The following CDH18 variants were observed in gnomAD, a reference collection of about 807,000 sequenced individuals.
CDH18 encodes cadherin-18.
In CDH18, 31 loss-of-function variants were observed where a neutral mutation model predicts 67.9. That is an observed-to-expected ratio of 0.46 (90% confidence interval 0.34 to 0.62). The LOEUF is 0.62. Among genes scored for constraint, CDH18 ranks in the 20% least tolerant of loss-of-function variants. The pLI, the probability that CDH18 is intolerant of heterozygous loss-of-function variation, is 0.01. For missense variants in CDH18, 890 were observed against 975.5 expected, an observed-to-expected ratio of 0.91 and a Z score of 1.17; for synonymous variants, 362 against 347.2, an observed-to-expected ratio of 1.04 and a Z score of -0.48.
chr5:20,096,460 AG>A (rs556075565), intron 2 of CDH18, among the ~76,000 whole-genome samples: 27 of 151,628 alleles, frequency 1.8e-4, no homozygotes, highest in African/African-American at 5.9e-4. Context: ...GAAATAATGA[AG>A]AAAAAAGGAA....
chr5:20,371,102 A>G (rs1742963491), intron 1 of CDH18, among the ~76,000 whole-genome samples: 1 of 151,912 alleles, frequency 6.6e-6, no homozygotes, highest in East Asian at 1.9e-4. Context: ...AAAGTGAAAG[A>G]AGTAGTGATT....
At chr5:19,888,321 C>T (rs1042159278) in intron 2 of CDH18, among the ~76,000 whole-genome samples, 1 of 152,100 alleles carries the variant, frequency 6.6e-6, no homozygotes, top group Non-Finnish European at 1.5e-5. Flanking sequence ...CACATCTTCA[C>T]AACACTTAAA....
At chr5:19,506,473 A>G (rs1231284696) in intron 10 of CDH18, among the ~76,000 whole-genome samples, 1 of 152,190 alleles carries the variant, frequency 6.6e-6, no homozygotes, top group Non-Finnish European at 1.5e-5. Context: ...CCAAAAGAAC[A>G]AAGCTGGAGG....
chr5:20,419,462 G>GTTTTTT lies in CDH18; in HGVS notation c.-580+155994_-580+155999dup, dbSNP rs202130030. Among the ~76,000 whole-genome samples the GTTTTTT allele has an allele frequency of 2.2e-3, 170 of 75,644 alleles. 26 individuals are homozygous for GTTTTTT. The highest frequency in any genetic ancestry group is 2.8e-3 in the Non-Finnish European group (107 of 38,764). The allele number at this position is 75,644 out of a possible 152,430, so 49.6% of individuals were successfully genotyped here. A position where few individuals can be genotyped will look rare whatever the true frequency, so the allele number is the denominator to read the frequency against. The stretch of plus-strand genomic sequence containing the variant: ...CCAACCACCCAGGGTATGGGACTCT[G>GTTTTTT]TTTTTTTTTTTTTTTTTTTTTTTTT... On this transcript the variant is annotated intron_variant, in intron 1 of 14. Transcript: ENST00000507958.
intron 2 of CDH18, among the ~76,000 whole-genome samples, chr5:20,086,857 T>A (rs1744997801): frequency 6.6e-6 from 1 of 152,186 alleles, no homozygotes; most frequent in Non-Finnish European, 1.5e-5. Context: ...ATAGTTTTTA[T>A]GCCTGCTAAC....
At chr5:19,753,811 G>A (rs113753654) in intron 3 of CDH18, among the ~76,000 whole-genome samples, 3,319 of 152,244 alleles carry the variant, frequency 0.022, 115 homozygotes, top group African/African-American at 0.076. Context: ...CGAAGGAATT[G>A]GGGCTGTATC....
intron 2 of CDH18, among the ~76,000 whole-genome samples, chr5:19,957,642 C>A (rs1796381571): frequency 6.6e-6 from 1 of 151,550 alleles, no homozygotes; most frequent in African/African-American, 2.4e-5. Flanking sequence ...ATCAAAACTC[C>A]AATAATCTAG....
At position 20,529,940 on chromosome 5, in the gene CDH18, G is replaced by A. The variant is rs573875245; in HGVS notation, c.-580+45522C>T. The stretch of plus-strand genomic sequence containing the variant: ...AGCATATTCAAATAGGAAGAGAGGC[G>A]GTCAAATTGTCTTTGTTTGCAGATG... On this transcript the variant is annotated intron_variant, in intron 1 of 14. Transcript: ENST00000507958. Among the ~76,000 whole-genome samples, 18 of 151,842 alleles carry A rather than the reference G, an allele frequency of 1.2e-4. No individual in the cohort carries two copies. In the East Asian group the frequency reaches 1.7e-3, roughly 15 times the overall value.
intron 2 of CDH18, among the ~76,000 whole-genome samples, chr5:20,143,284 A>G (rs1750385566): frequency 6.6e-6 from 1 of 152,186 alleles, no homozygotes; most frequent in East Asian, 1.9e-4. Context: ...TGCTCAAATA[A>G]CATATGAATT....
At chr5:20,257,467 A>T (rs912480063) in intron 1 of CDH18, among the ~76,000 whole-genome samples, 1 of 122,832 alleles carries the variant, frequency 8.1e-6, no homozygotes, top group African/African-American at 3.2e-5. Context: ...TGATCATTTT[A>T]TCTTGGCTCT....
intron 2 of CDH18, among the ~76,000 whole-genome samples, chr5:20,170,493 TTAAA>T (rs1433955545): frequency 3.3e-5 from 5 of 152,198 alleles, no homozygotes; most frequent in Non-Finnish European, 4.4e-5. Context: ...ATTCTAAGTG[TTAAA>T]TAAATTAATA....
At chr5:19,788,706 T>C (rs1191484679) in intron 3 of CDH18, among the ~76,000 whole-genome samples, 2 of 152,162 alleles carry the variant, frequency 1.3e-5, no homozygotes, top group African/African-American at 2.4e-5. Flanking sequence ...AATGAAAATA[T>C]CCAAAACATT....
At chr5:19,534,933 G>A (rs1397345598) in intron 9 of CDH18, among the ~76,000 whole-genome samples, 3 of 152,148 alleles carry the variant, frequency 2.0e-5, no homozygotes, top group Non-Finnish European at 4.4e-5. Context: ...AGGAGTCCAT[G>A]ATGTGAAAAA....
chr5:19,493,537 G>GT (rs1741811438), intron 11 of CDH18, among the ~76,000 whole-genome samples: 1 of 147,938 alleles, frequency 6.8e-6, no homozygotes, highest in African/African-American at 2.5e-5. Flanking sequence ...AGGGAATTGG[G>GT]GTGTGTGTGT....
Position 20,053,828 on chromosome 5 carries a change from T to C in CDH18, c.-517-61814A>G, listed in dbSNP as rs539887499. Among the ~76,000 whole-genome samples, 14 of 152,252 alleles carry C rather than the reference T, an allele frequency of 9.2e-5. No homozygotes were observed. The South Asian group carries it at 2.9e-3, about 32-fold the overall frequency. ...GATGCTTTTAAAGTAAGTCAAGCCATGCCAGTCTTCTGCTCAACATGGGTA... is the reference window on the plus strand; with the variant it reads ...GATGCTTTTAAAGTAAGTCAAGCCACGCCAGTCTTCTGCTCAACATGGGTA... On this transcript the variant is annotated intron_variant, in intron 2 of 14. Coordinates refer to the CDH18 transcript ENST00000507958.
In CDH18 at chr5:19,596,954, T is replaced by C. The variant is rs1213747382; in HGVS notation, c.812-5710A>G. Among the ~76,000 whole-genome samples the C allele has an allele frequency of 2.0e-5, 3 of 152,354 alleles. No homozygotes were observed. In the East Asian group the frequency reaches 5.8e-4, roughly 29 times the overall value. The stretch of plus-strand genomic sequence containing the variant: ...CCCATGCATCCTGCTGATCATGTCC[T>C]TGAGTAATCATTTCCTCTTGAATGT... On this transcript the variant is annotated intron_variant, in intron 6 of 12. Coordinates refer to ENST00000382275, the MANE Select transcript of CDH18 (RefSeq NM_004934.5).
chr5:19,477,120 A>T (rs1162732505), intron 12 of CDH18, among the ~76,000 whole-genome samples: 4 of 148,464 alleles, frequency 2.7e-5, no homozygotes, highest in Non-Finnish European at 6.0e-5. Context: ...TACTTATTTA[A>T]TAAAAGGAGA....
chr5:20,051,093 A>G (rs1428482966), intron 2 of CDH18, among the ~76,000 whole-genome samples: 1 of 151,922 alleles, frequency 6.6e-6, no homozygotes, highest in Non-Finnish European at 1.5e-5. Context: ...ATTTTACTAA[A>G]AATCGTGGCT....
At chr5:19,971,856 AAAAGAGAGAG>A (rs1431013520) in intron 2 of CDH18, among the ~76,000 whole-genome samples, 1 of 124,440 alleles carries the variant, frequency 8.0e-6, no homozygotes, top group African/African-American at 2.5e-5. Context: ...GTTAAAAAAA[AAAAGAGAGAG>A]AGAGAGAGAA....
Sources: gnomAD v4.1 joint callset for allele counts (sites outside exome capture counted in the v4.1 genomes callset) on GRCh38, gnomAD v4.1.1 for gene constraint, MANE v1.5 for transcripts, NCBI Gene and HGNC (gene_info 2026-07-23, HGNC 2026-07-21) for gene names.